KCNIP4: variants seen among roughly 807,000 people sequenced by gnomAD.
The protein encoded by KCNIP4 is potassium voltage-gated channel interacting protein 4, also known as Kv channel-interacting protein 4.
A neutral mutation model predicts 34.0 loss-of-function variants in KCNIP4; 12 were observed. The ratio of observed to expected loss-of-function variants is 0.35; its 90% CI spans 0.23 to 0.57. The LOEUF is 0.57. KCNIP4 is among the 20% of genes least tolerant of loss of function. KCNIP4 has a pLI of 0.83. For missense variants in KCNIP4, 238 were observed against 311.7 expected, an observed-to-expected ratio of 0.76 and a Z score of 1.78; for synonymous variants, 124 against 102.2, an observed-to-expected ratio of 1.21 and a Z score of -1.29.
intron 4 of KCNIP4, 103 bp from the exon 5 acceptor site, chr4:20,749,835 G>T (rs1314773231): frequency 3.0e-6 from 2 of 656,848 alleles, no homozygotes; most frequent in Non-Finnish European, 5.2e-6. Context: ...AATTAACTCT[G>T]CCTCCTTTAG....
intron 1 of KCNIP4, among the ~76,000 whole-genome samples, chr4:21,391,861 C>T (rs1013181668): frequency 6.6e-6 from 1 of 152,114 alleles, no homozygotes; most frequent in Admixed American, 6.6e-5. Context: ...GTGTGATGTT[C>T]CTGATGTGTA....
intron 3 of KCNIP4, among the ~76,000 whole-genome samples, chr4:20,791,230 A>G (rs1394142208): frequency 6.6e-6 from 1 of 152,200 alleles, no homozygotes; most frequent in Non-Finnish European, 1.5e-5. Flanking sequence ...TTCAAAAACA[A>G]AGACAAAATA....
At chr4:21,101,637 T>C (rs1441301959) in intron 1 of KCNIP4, among the ~76,000 whole-genome samples, 1 of 152,196 alleles carries the variant, frequency 6.6e-6, no homozygotes, top group Non-Finnish European at 1.5e-5. Context: ...GAGATTTCTT[T>C]TGAAGCTGAT....
At chr4:21,882,287 A>G (rs1726502166) in intron 1 of KCNIP4, among the ~76,000 whole-genome samples, 1 of 152,174 alleles carries the variant, frequency 6.6e-6, no homozygotes, top group Non-Finnish European at 1.5e-5. Flanking sequence ...TGTGAGTGAA[A>G]AAATGAGGCT....
At chr4:21,289,953 A>G (rs1343010972) in intron 1 of KCNIP4, among the ~76,000 whole-genome samples, 1 of 152,114 alleles carries the variant, frequency 6.6e-6, no homozygotes, top group African/African-American at 2.4e-5. Flanking sequence ...AAACACATCA[A>G]TGGAGTGAAA....
At chr4:21,098,872 C>T (rs1260661363) in intron 1 of KCNIP4, among the ~76,000 whole-genome samples, 1 of 152,116 alleles carries the variant, frequency 6.6e-6, no homozygotes, top group Admixed American at 6.6e-5. Flanking sequence ...AAAAAAAGCT[C>T]AACATCACTG....
chr4:20,730,819 T>C (rs1418993291), intron 8 of KCNIP4, among the ~76,000 whole-genome samples: 1 of 152,184 alleles, frequency 6.6e-6, no homozygotes, highest in African/African-American at 2.4e-5. Flanking sequence ...GTCAGTTGCA[T>C]GTGAATAGCA....
intron 1 of KCNIP4, among the ~76,000 whole-genome samples, chr4:21,359,973 G>A (rs896941669): frequency 6.6e-6 from 1 of 152,078 alleles, no homozygotes; most frequent in African/African-American, 2.4e-5. Context: ...CTGAGAAGGG[G>A]ATTGTGTGCA....
chr4:20,882,004 C>T (rs1027704792), intron 2 of KCNIP4, among the ~76,000 whole-genome samples: 5 of 152,220 alleles, frequency 3.3e-5, no homozygotes, highest in Admixed American at 6.5e-5. Context: ...AGTCTCTTTA[C>T]ATATATGCAT....
chr4:20,791,842 A>G (rs1278907110), intron 3 of KCNIP4, among the ~76,000 whole-genome samples: 1 of 152,186 alleles, frequency 6.6e-6, no homozygotes, highest in African/African-American at 2.4e-5. Context: ...GAGTTCATCC[A>G]ATCAATTGAA....
chr4:21,014,915 T>C (rs186733509), intron 1 of KCNIP4, among the ~76,000 whole-genome samples: 1 of 152,316 alleles, frequency 6.6e-6, no homozygotes. Flanking sequence ...ATACATACAA[T>C]GGAATATTAT....
At chr4:21,820,285 GTATATATATATATATATA>G (rs869204752) in intron 1 of KCNIP4, among the ~76,000 whole-genome samples, 275 of 20,664 alleles carry the variant, frequency 0.013, 1 homozygote, top group Non-Finnish European at 0.031. Flanking sequence ...GTGTGTGTGT[GTATATATATATATATATA>G]TATATATATA....
At chr4:21,291,931 GAAA>G (rs1763540827) in intron 1 of KCNIP4, among the ~76,000 whole-genome samples, 1 of 67,296 alleles carries the variant, frequency 1.5e-5, no homozygotes, top group Non-Finnish European at 2.7e-5. Context: ...AAGAAAGAAA[GAAA>G]GAAAAAAAAA....
chr4:20,831,068 A>T (rs1425261739), intron 3 of KCNIP4, among the ~76,000 whole-genome samples: 1 of 152,190 alleles, frequency 6.6e-6, no homozygotes, highest in African/African-American at 2.4e-5. Flanking sequence ...AAGATATCTT[A>T]AGGGAGCTGT....
At chr4:21,806,557 A>C (rs1486468080) in intron 1 of KCNIP4, among the ~76,000 whole-genome samples, 1 of 152,236 alleles carries the variant, frequency 6.6e-6, no homozygotes, top group Non-Finnish European at 1.5e-5. Flanking sequence ...ATACTCTTTC[A>C]ATAAATATGT....
intron 1 of KCNIP4, among the ~76,000 whole-genome samples, chr4:21,676,243 C>T (rs1577820662): frequency 6.6e-6 from 1 of 152,170 alleles, no homozygotes; most frequent in Admixed American, 6.6e-5. Flanking sequence ...AGGACTGCCA[C>T]CTCACGTTTA....
chr4:21,499,681 TAGA>T (rs1274888134), intron 1 of KCNIP4, among the ~76,000 whole-genome samples: 2 of 152,142 alleles, frequency 1.3e-5, no homozygotes, highest in South Asian at 2.1e-4. Flanking sequence ...TTTTAGTATA[TAGA>T]AGGATTCTAT....
chr4:21,904,141 C>T (rs1179996919), intron 1 of KCNIP4, among the ~76,000 whole-genome samples: 4 of 152,054 alleles, frequency 2.6e-5, no homozygotes, highest in African/African-American at 9.7e-5. Flanking sequence ...TATAATCCTG[C>T]CATAGGGACT....
chr4:21,735,087 A>G (rs1267240331), intron 1 of KCNIP4, among the ~76,000 whole-genome samples: 1 of 152,066 alleles, frequency 6.6e-6, no homozygotes. Flanking sequence ...TTCAACAGTG[A>G]GATAACATCC....
Sources: gnomAD v4.1 joint callset for allele counts (sites outside exome capture counted in the v4.1 genomes callset) on GRCh38, gnomAD v4.1.1 for gene constraint, MANE v1.5 for transcripts, NCBI Gene and HGNC (gene_info 2026-07-23, HGNC 2026-07-21) for gene names.